Variants in SLC18A1 observed in about 807,000 individuals in gnomAD.
The protein encoded by SLC18A1 is chromaffin granule amine transporter.
Under a neutral mutation model 53.7 loss-of-function variants are expected in SLC18A1, and 69 were observed. The observed-to-expected ratio is 1.28, with a 90% confidence interval of 1.06 to 1.57. The LOEUF (loss-of-function observed/expected upper bound fraction) is 1.57. SLC18A1 is among the 40% of genes most tolerant of loss of function. The pLI, the probability that SLC18A1 is intolerant of heterozygous loss-of-function variation, is 0.00. For synonymous variants in SLC18A1, 320 were observed against 248.1 expected, an observed-to-expected ratio of 1.29 and a Z score of -2.72; for missense variants, 932 against 668.1, an observed-to-expected ratio of 1.40 and a Z score of -4.35.
intron 4 of SLC18A1, among the ~76,000 whole-genome samples, chr8:20,174,898 G>A (rs1007056627): frequency 6.6e-6 from 1 of 152,100 alleles, no homozygotes; most frequent in African/African-American, 2.4e-5. Context: ...GGTGCTTCGA[G>A]GATTATAGGA....
At chr8:20,159,883 C>T (rs933057432) in intron 10 of SLC18A1, among the ~76,000 whole-genome samples, 1 of 152,038 alleles carries the variant, frequency 6.6e-6, no homozygotes, top group Non-Finnish European at 1.5e-5. Flanking sequence ...CACTCTAACT[C>T]CAAGTGTTTC....
intron 8 of SLC18A1, 33 bp from the exon 9 acceptor site, chr8:20,165,140 G>C: frequency 6.4e-7 from 1 of 1,559,820 alleles, no homozygotes. Flanking sequence ...ATGTCCATTT[G>C]TACAGTGCAT....
At chr8:20,171,587 G>C (rs1585217609) in intron 6 of SLC18A1, 93 bp from the exon 7 acceptor site, 2 of 957,396 alleles carry the variant, frequency 2.1e-6, no homozygotes, top group East Asian at 4.9e-5. Context: ...ATTTGCAGAA[G>C]GCCTGCTAGG....
rs921882094 is a variant in SLC18A1 at position 20,176,739 on chromosome 8, C to T, written c.547+1696G>A. 6.2e-4 allele frequency among the ~76,000 whole-genome samples: 94 copies of T among 152,154 alleles called. 1 individual carries two copies. The highest frequency in any genetic ancestry group is 9.6e-4 in the Non-Finnish European group (65 of 68,038). The stretch of plus-strand genomic sequence containing the variant: ...TTAGAATTAGGCCAACTCCATATAG[C>T]AACACAGCTATCCTATGGAAATAAT... On this transcript the variant is annotated intron_variant, in intron 4 of 15. Coordinates refer to ENST00000276373, the MANE Select transcript of SLC18A1 (RefSeq NM_003053.4).
At chr8:20,174,256 A>T (rs1431599516) in intron 5 of SLC18A1, 105 bp downstream of exon 5, 2 of 866,880 alleles carry the variant, frequency 2.3e-6, no homozygotes, top group Non-Finnish European at 3.9e-6. Context: ...TATCCAGGTG[A>T]CATTTTCCTT....
In SLC18A1 at chr8:20,147,298, C is replaced by T. The variant is rs757870102; in HGVS notation, c.1424G>A (p.Cys475Tyr). ...GVINIVYAPL[C>Y]YYLRSPPAKE... is the part of the protein sequence containing the mutation. The stretch of plus-strand genomic sequence containing the variant: ...TGCCGGGGGGCTCCGCAGGTAGTAG[C>T]AGAGTGGAGCATAGACGATGTTGAT... Residue 475 changes from cysteine to tyrosine, a missense_variant, in exon 15 of 16, where the codon TGC (cysteine) becomes TAC (tyrosine). Coordinates refer to ENST00000276373, the MANE Select transcript of SLC18A1 (RefSeq NM_003053.4). 2 of 1,612,948 alleles carry T rather than the reference C, an allele frequency of 1.2e-6. No homozygotes were observed. The highest frequency in any genetic ancestry group is 1.7e-6 in the Non-Finnish European group (2 of 1,179,650).
rs149930120 is a variant in SLC18A1, at chr8:20,174,282, A to C, written c.631+79T>G. On this transcript the variant is annotated intron_variant, in intron 5 of 15. Coordinates refer to ENST00000276373, the MANE Select transcript of SLC18A1 (RefSeq NM_003053.4). ...CATTTTCCTTAATTTCTCCATGTAA[A>C]TATAGGATCTGAGGTAGTAAGAGAT... 1,004 of 1,038,784 alleles carry C rather than the reference A, an allele frequency of 9.7e-4. 10 individuals are homozygous for C. The African/African-American group carries it at 0.014, about 14-fold the overall frequency. 64.3% of individuals were successfully genotyped at this position (1,038,784 alleles called of 1,614,324 possible). A position where few individuals can be genotyped will look rare whatever the true frequency, so the allele number is the denominator to read the frequency against.
At chr8:20,153,982 C>T (rs79662859) in intron 10 of SLC18A1, among the ~76,000 whole-genome samples, 3,909 of 152,170 alleles carry the variant, frequency 0.026, 176 homozygotes, top group African/African-American at 0.089. Flanking sequence ...TCGTGAATGG[C>T]GTGGTGCTGT....
intron 10 of SLC18A1, 76 bp downstream of exon 10, chr8:20,164,793 G>A: frequency 9.1e-7 from 1 of 1,095,692 alleles, no homozygotes; most frequent in East Asian, 2.4e-5. Flanking sequence ...TTGTCCCTGT[G>A]TGACATTGAA....
At chr8:20,153,994 C>T (rs1038909035) in intron 10 of SLC18A1, among the ~76,000 whole-genome samples, 1 of 152,026 alleles carries the variant, frequency 6.6e-6, no homozygotes, top group Non-Finnish European at 1.5e-5. Flanking sequence ...TGGTGCTGTC[C>T]CCATCCTCAC....
At chr8:20,157,087 G>C (rs936722784) in intron 10 of SLC18A1, among the ~76,000 whole-genome samples, 3 of 152,138 alleles carry the variant, frequency 2.0e-5, no homozygotes, top group African/African-American at 7.2e-5. Flanking sequence ...ATGTCCCTGG[G>C]TGGTTACACA....
At chr8:20,150,074 C>T (rs2071511904) in intron 11 of SLC18A1, among the ~76,000 whole-genome samples, 1 of 152,186 alleles carries the variant, frequency 6.6e-6, no homozygotes, top group South Asian at 2.1e-4. Context: ...CTGCCTCCTA[C>T]CTGTCCTATT....
chr8:20,172,009 T>C (rs1003992927), intron 6 of SLC18A1, among the ~76,000 whole-genome samples: 1 of 152,218 alleles, frequency 6.6e-6, no homozygotes, highest in South Asian at 2.1e-4. Flanking sequence ...AGGAACCTTG[T>C]ATATGCAGAT....
intron 8 of SLC18A1, among the ~76,000 whole-genome samples, chr8:20,166,677 A>G (rs183566554): frequency 3.0e-4 from 44 of 146,204 alleles, no homozygotes; most frequent in African/African-American, 1.2e-3. Context: ...TATTAAAAAA[A>G]TAAATTATAT....
At chr8:20,156,540 G>T (rs1002193549) in intron 10 of SLC18A1, among the ~76,000 whole-genome samples, 2 of 152,198 alleles carry the variant, frequency 1.3e-5, no homozygotes, top group African/African-American at 4.8e-5. Context: ...TAGAAGCAGA[G>T]TTGGGAAAAT....
Position 20,149,909 on chromosome 8 carries a change from T to A in SLC18A1, c.1095-182A>T, listed in dbSNP as rs2270651. ...GAGCTCTCTCCCTGCCCTTTCCTTG[T>A]CTCCCCTGGCTCCATCCCTTTTTCT... On this transcript the variant is annotated intron_variant, in intron 11 of 15. Coordinates refer to ENST00000276373, the MANE Select transcript of SLC18A1 (RefSeq NM_003053.4). Among the ~76,000 whole-genome samples, 43 of 152,202 alleles carry A rather than the reference T, an allele frequency of 2.8e-4. No individual in the cohort carries two copies. The East Asian group carries it at 7.5e-3, about 27-fold the overall frequency.
At chr8:20,166,291 A>G (rs28677856) in intron 8 of SLC18A1, among the ~76,000 whole-genome samples, 31,797 of 79,002 alleles carry the variant, frequency 0.4, 5,663 homozygotes, top group East Asian at 0.58. Flanking sequence ...GTGTGTGTCT[A>G]TATATATATA....
Position 20,145,570 on chromosome 8 carries a change from G to T in SLC18A1, c.*193C>A. Reference sequence around the variant, plus strand: ...AAAAGATGGGCCACTGCGGCACCAAGGCATAGAGGAAGAGCTACAAGTTAC... The same window carrying T: ...AAAAGATGGGCCACTGCGGCACCAATGCATAGAGGAAGAGCTACAAGTTAC... On this transcript the variant is annotated 3_prime_UTR_variant, in exon 16 of 16. Coordinates refer to ENST00000276373, the MANE Select transcript of SLC18A1 (RefSeq NM_003053.4). The T allele has an allele frequency of 2.3e-6, 1 of 429,030 alleles. No individual in the cohort carries two copies. The allele number at this position is 429,030 out of a possible 1,614,324, so 26.6% of individuals were successfully genotyped here.
rs533609590 is a variant in SLC18A1, at chr8:20,181,107, A to G, written c.-123-20T>C. On this transcript the variant is annotated intron_variant, in intron 1 of 15. Transcript: ENST00000276373. ...AACTCACTATTAAAACGAAAAGTGCAAAGGGTTGCAAGTAGTAGGATGATA... is the reference window on the plus strand; with the variant it reads ...AACTCACTATTAAAACGAAAAGTGCGAAGGGTTGCAAGTAGTAGGATGATA... 5.0e-4 allele frequency: 431 copies of G among 868,096 alleles called. No individual in the cohort carries two copies. The highest frequency in any genetic ancestry group is 6.7e-4 in the Non-Finnish European group (395 of 587,664). The allele number at this position is 868,096 out of a possible 1,614,324, so 53.8% of individuals were successfully genotyped here. A position where few individuals can be genotyped will look rare whatever the true frequency, so the allele number is the denominator to read the frequency against.
Sources: gnomAD v4.1 joint callset for allele counts (sites outside exome capture counted in the v4.1 genomes callset) on GRCh38, gnomAD v4.1.1 for gene constraint, MANE v1.5 for transcripts, NCBI Gene and HGNC (gene_info 2026-07-23, HGNC 2026-07-21) for gene names.